Variants in ARL15 observed in about 807,000 individuals in gnomAD.
ARL15 encodes the protein ADP-ribosylation factor-like protein 15.
In ARL15, 19 loss-of-function variants were observed where a neutral mutation model predicts 25.2. The observed-to-expected ratio is 0.75, with a 90% CI of 0.53 to 1.10. ARL15 has a LOEUF of 1.10. Ranked by LOEUF, ARL15 falls within the 50% of genes least tolerant of loss-of-function variation. The pLI is 0.00. For missense variants in ARL15, 220 were observed against 246.0 expected (o/e 0.89, Z 0.71); for synonymous variants, 94 against 86.8 (o/e 1.08, Z -0.46).
intron 4 of ARL15, among the ~76,000 whole-genome samples, chr5:54,098,852 T>C (rs1236317855): frequency 6.6e-6 from 1 of 152,232 alleles, no homozygotes; most frequent in Non-Finnish European, 1.5e-5. Context: ...GGAGGACTCC[T>C]AAATGTTTCC....
intron 1 of ARL15, among the ~76,000 whole-genome samples, chr5:54,214,063 G>A (rs1222695439): frequency 6.6e-6 from 1 of 151,568 alleles, no homozygotes; most frequent in Non-Finnish European, 1.5e-5. Context: ...TATGGCAAGA[G>A]CAAAAAAGAA....
intron 4 of ARL15, among the ~76,000 whole-genome samples, chr5:54,061,513 G>A (rs1292255268): frequency 1.3e-5 from 2 of 152,168 alleles, no homozygotes; most frequent in Non-Finnish European, 2.9e-5. Flanking sequence ...GAGAGGCTGA[G>A]GCAGGAGAAT....
At chr5:54,249,314 A>T (rs10042395) in intron 1 of ARL15, among the ~76,000 whole-genome samples, 80,544 of 151,560 alleles carry the variant, frequency 0.53, 23,254 homozygotes, top group Non-Finnish European at 0.63. Flanking sequence ...TTCTATGTAC[A>T]TCTCTTTTAG....
intron 4 of ARL15, among the ~76,000 whole-genome samples, chr5:53,889,878 T>A (rs1744658800): frequency 6.6e-6 from 1 of 150,914 alleles, no homozygotes; most frequent in African/African-American, 2.4e-5. Flanking sequence ...AATGGCGCAG[T>A]CTCGGCTCAC....
At chr5:54,127,141 A>G (rs1753283685) in intron 3 of ARL15, among the ~76,000 whole-genome samples, 3 of 152,064 alleles carry the variant, frequency 2.0e-5, no homozygotes, top group Non-Finnish European at 4.4e-5. Context: ...ATGATTTCCA[A>G]TTTCATCTAT....
intron 1 of ARL15, among the ~76,000 whole-genome samples, chr5:54,264,223 T>G (rs1318372953): frequency 1.3e-5 from 2 of 152,100 alleles, no homozygotes; most frequent in Non-Finnish European, 2.9e-5. Context: ...CCCATATGAA[T>G]CCTTGACTCC....
At chr5:54,238,149 G>T (rs747311888) in intron 1 of ARL15, among the ~76,000 whole-genome samples, 6 of 152,242 alleles carry the variant, frequency 3.9e-5, no homozygotes, top group East Asian at 1.9e-4. Context: ...CCACCCCTGA[G>T]TTTAACAAAG....
At chr5:54,074,362 T>C (rs1474705931) in intron 4 of ARL15, among the ~76,000 whole-genome samples, 1 of 152,194 alleles carries the variant, frequency 6.6e-6, no homozygotes, top group Non-Finnish European at 1.5e-5. Context: ...TTCTGTTCCT[T>C]TTCTCCTTCT....
intron 1 of ARL15, among the ~76,000 whole-genome samples, chr5:54,259,991 C>A (rs1409329431): frequency 6.6e-6 from 1 of 152,186 alleles, no homozygotes; most frequent in African/African-American, 2.4e-5. Flanking sequence ...TGCTAGAATT[C>A]ATTCGTCAAC....
chr5:54,117,546 A>G (rs1264161358), intron 3 of ARL15, among the ~76,000 whole-genome samples: 1 of 152,198 alleles, frequency 6.6e-6, no homozygotes, highest in African/African-American at 2.4e-5. Context: ...ATACGGCAGT[A>G]AAAGTTATTA....
intron 4 of ARL15, among the ~76,000 whole-genome samples, chr5:53,947,164 A>T (rs1746766798): frequency 9.3e-6 from 1 of 107,000 alleles, no homozygotes; most frequent in East Asian, 3.6e-4. Flanking sequence ...AAAAATAAAT[A>T]AGGGTGTGTG....
chr5:54,186,155 T>C (rs768414528), intron 1 of ARL15, among the ~76,000 whole-genome samples: 22 of 152,170 alleles, frequency 1.4e-4, no homozygotes, highest in Admixed American at 1.2e-3. Context: ...GACAAAAGCA[T>C]AACAGAGCAG....
intron 2 of ARL15, among the ~76,000 whole-genome samples, chr5:54,170,675 C>T: frequency 6.6e-6 from 1 of 152,140 alleles, no homozygotes; most frequent in East Asian, 1.9e-4. Flanking sequence ...TACTTATCAA[C>T]CTCAAATCTA....
intron 1 of ARL15, among the ~76,000 whole-genome samples, chr5:54,204,430 G>C (rs1755808918): frequency 6.6e-6 from 1 of 152,134 alleles, no homozygotes; most frequent in African/African-American, 2.4e-5. Flanking sequence ...GTCTTAAACT[G>C]TCATAAATAA....
chr5:53,936,107 T>C (rs1746342138), intron 4 of ARL15, among the ~76,000 whole-genome samples: 1 of 152,182 alleles, frequency 6.6e-6, no homozygotes, highest in Admixed American at 6.5e-5. Context: ...TGAAATCATT[T>C]ATGAAAGACT....
chr5:54,210,537 C>T (rs972083692), intron 1 of ARL15, among the ~76,000 whole-genome samples: 1 of 152,170 alleles, frequency 6.6e-6, no homozygotes, highest in African/African-American at 2.4e-5. Flanking sequence ...AACCCAAATT[C>T]ACCCATAACA....
At chr5:54,222,384 AC>A (rs1017831407) in intron 1 of ARL15, among the ~76,000 whole-genome samples, 3 of 152,170 alleles carry the variant, frequency 2.0e-5, no homozygotes, top group Non-Finnish European at 4.4e-5. Context: ...GCTAGGACTC[AC>A]CACATAAAAA....
chr5:54,114,773 C>A (rs575495552), intron 3 of ARL15, among the ~76,000 whole-genome samples: 5 of 152,268 alleles, frequency 3.3e-5, no homozygotes, highest in African/African-American at 7.2e-5. Context: ...TGACTGTTTT[C>A]ATCACTTTCA....
chr5:53,935,222 G>A (rs1459054437), intron 4 of ARL15, among the ~76,000 whole-genome samples: 1 of 152,128 alleles, frequency 6.6e-6, no homozygotes, highest in East Asian at 1.9e-4. Context: ...CATACTCATA[G>A]CCTAACACTT....
Sources: gnomAD v4.1 joint callset for allele counts (sites outside exome capture counted in the v4.1 genomes callset) on GRCh38, gnomAD v4.1.1 for gene constraint, MANE v1.5 for transcripts, NCBI Gene and HGNC (gene_info 2026-07-23, HGNC 2026-07-21) for gene names.